The following PTPN2 variants were observed in gnomAD, a reference collection of about 807,000 sequenced individuals.
The protein encoded by PTPN2 is protein tyrosine phosphatase non-receptor type 2.
PTPN2 carries 19 observed loss-of-function variants against 57.3 expected under a neutral mutation model. That is an observed-to-expected ratio of 0.33 (90% confidence interval 0.23 to 0.49). The LOEUF (loss-of-function observed/expected upper bound fraction) is 0.49. Among genes scored for constraint, PTPN2 ranks in the 20% least tolerant of loss-of-function variants. The pLI is 0.99. For missense variants in PTPN2, 358 were observed against 501.1 expected, an observed-to-expected ratio of 0.71 and a Z score of 2.73; for synonymous variants, 153 against 164.9, an observed-to-expected ratio of 0.93 and a Z score of 0.55.
At chr18:12,860,245 T>C (rs2043750404) in intron 1 of PTPN2, among the ~76,000 whole-genome samples, 1 of 150,306 alleles carries the variant, frequency 6.7e-6, no homozygotes, top group Non-Finnish European at 1.5e-5. Flanking sequence ...GCCAAGATCG[T>C]GCCATTGCAC....
At chr18:12,811,421 G>C (rs982456728) in intron 7 of PTPN2, among the ~76,000 whole-genome samples, 2 of 152,016 alleles carry the variant, frequency 1.3e-5, no homozygotes, top group Non-Finnish European at 2.9e-5. Flanking sequence ...AGTCTCACTG[G>C]ACCACTTCCC....
chr18:12,811,683 G>A (rs1463415077), intron 7 of PTPN2, among the ~76,000 whole-genome samples: 2 of 152,094 alleles, frequency 1.3e-5, no homozygotes, highest in African/African-American at 4.8e-5. Context: ...AAACTCACTC[G>A]TCTCTGTCCT....
intron 1 of PTPN2, among the ~76,000 whole-genome samples, chr18:12,872,515 C>A (rs2044302816): frequency 6.6e-6 from 1 of 152,160 alleles, no homozygotes; most frequent in South Asian, 2.1e-4. Context: ...TGAAAAGTAT[C>A]CAACCTTGAG....
At chr18:12,824,324 A>G (rs2042372546) in intron 5 of PTPN2, among the ~76,000 whole-genome samples, 1 of 152,222 alleles carries the variant, frequency 6.6e-6, no homozygotes, top group Non-Finnish European at 1.5e-5. Context: ...AAGGAAAACC[A>G]GAACCTAGGC....
At chr18:12,848,364 C>G (rs545249354) in intron 2 of PTPN2, among the ~76,000 whole-genome samples, 2 of 152,280 alleles carry the variant, frequency 1.3e-5, no homozygotes, top group South Asian at 4.1e-4. Flanking sequence ...TAAAATATGT[C>G]CACAATTCAC....
At chr18:12,852,191 A>AACACACACACACACACACACACAC (rs139964591) in intron 2 of PTPN2, among the ~76,000 whole-genome samples, 99 of 140,510 alleles carry the variant, frequency 7.0e-4, no homozygotes, top group Non-Finnish European at 1.2e-3. Context: ...ATGGGTTTTT[A>AACACACACACACACACACACACAC]ACACACACAC....
At position 12,845,260 on chromosome 18, in the gene PTPN2, CT is replaced by C. The variant is rs1377624641; in HGVS notation, c.161-8370del. Among the ~76,000 whole-genome samples, 11 of 152,214 alleles carry C rather than the reference CT, an allele frequency of 7.2e-5. No homozygotes were observed. The East Asian group carries it at 2.1e-3, about 29-fold the overall frequency. On this transcript the variant is annotated intron_variant, in intron 2 of 8. Transcript: ENST00000309660. The stretch of plus-strand genomic sequence containing the variant: ...TTTGACACTATGAGTCACTATAGAT[CT>C]ATAGAACAATTTGGGGAGGACTGAT...
intron 6 of PTPN2, among the ~76,000 whole-genome samples, chr18:12,816,583 G>T (rs1271255454): frequency 1.3e-5 from 2 of 152,136 alleles, no homozygotes; most frequent in Non-Finnish European, 2.9e-5. Flanking sequence ...GAGAAGAAAA[G>T]ATCTAGGCTG....
At chr18:12,801,901 T>C (rs2041442469) in intron 8 of PTPN2, 69 bp downstream of exon 8, 1 of 1,340,552 alleles carries the variant, frequency 7.5e-7, no homozygotes, top group Non-Finnish European at 1.0e-6. Context: ...CTATGGCACC[T>C]GGTCCCATAA....
At position 12,833,644 on chromosome 18, in the gene PTPN2, T is replaced by C. The variant is rs148330290; in HGVS notation, c.262-2603A>G. Among the ~76,000 whole-genome samples, 29 of 151,978 alleles carry C rather than the reference T, an allele frequency of 1.9e-4. No homozygotes were observed. In the East Asian group the frequency reaches 5.4e-3, roughly 28 times the overall value. ...ATTTGGGAAAAGACAAATAGATCAG[T>C]GAGGTAGAAGTGGAGGGATGTAGTT... On this transcript the variant is annotated intron_variant, in intron 3 of 8. Coordinates refer to ENST00000309660, the MANE Select transcript of PTPN2 (RefSeq NM_002828.4).
chr18:12,827,274 C>T (rs1361736645), intron 4 of PTPN2, among the ~76,000 whole-genome samples: 10 of 149,386 alleles, frequency 6.7e-5, no homozygotes, highest in African/African-American at 2.0e-4. Context: ...ACCTGGGAGG[C>T]GGAGCTTGCA....
At chr18:12,803,559 C>G (rs1158604094) in intron 7 of PTPN2, among the ~76,000 whole-genome samples, 1 of 152,140 alleles carries the variant, frequency 6.6e-6, no homozygotes, top group Non-Finnish European at 1.5e-5. Flanking sequence ...AAATGATACT[C>G]CATGCAAATT....
At chr18:12,807,586 A>AATATATATATATATAT (rs1339941310) in intron 7 of PTPN2, among the ~76,000 whole-genome samples, 9 of 35,186 alleles carry the variant, frequency 2.6e-4, no homozygotes, top group Admixed American at 1.1e-3. Context: ...AAAAAAAAAA[A>AATATATATATATATAT]ATATATATAT....
At chr18:12,811,490 TA>T (rs931980622) in intron 7 of PTPN2, among the ~76,000 whole-genome samples, 1 of 151,828 alleles carries the variant, frequency 6.6e-6, no homozygotes, top group African/African-American at 2.4e-5. Context: ...GAGAGAGAAA[TA>T]AAAGAGATAT....
chr18:12,817,500 T>C, intron 5 of PTPN2, 135 bp from the exon 6 acceptor site: 2 of 698,462 alleles, frequency 2.9e-6, no homozygotes, highest in East Asian at 2.7e-5. Flanking sequence ...CCATTTGTTT[T>C]CTGACAATCC....
chr18:12,830,754 C>A, intron 4 of PTPN2, among the ~76,000 whole-genome samples, 189 bp downstream of exon 4: 1 of 152,060 alleles, frequency 6.6e-6, no homozygotes, highest in Non-Finnish European at 1.5e-5. Flanking sequence ...GAAAGGTCTG[C>A]AATTGTTATA....
intron 5 of PTPN2, among the ~76,000 whole-genome samples, chr18:12,818,446 T>C (rs999246363): frequency 8.5e-5 from 13 of 152,350 alleles, no homozygotes; most frequent in East Asian, 5.8e-4. Context: ...AAATGTTTCC[T>C]GTCTCTTAAG....
At chr18:12,805,171 T>C (rs2041593983) in intron 7 of PTPN2, among the ~76,000 whole-genome samples, 3 of 152,086 alleles carry the variant, frequency 2.0e-5, no homozygotes, top group Admixed American at 2.0e-4. Context: ...AAATTCAACA[T>C]AGCGGCTGGG....
At chr18:12,826,614 G>A (rs1016202308) in intron 4 of PTPN2, among the ~76,000 whole-genome samples, 2 of 152,086 alleles carry the variant, frequency 1.3e-5, no homozygotes, top group Non-Finnish European at 2.9e-5. Context: ...TGTCGCCCAG[G>A]CTGGAATGCA....
Sources: allele counts gnomAD v4.1 joint callset (sites outside exome capture counted in the v4.1 genomes callset), GRCh38; gene constraint gnomAD v4.1.1; transcripts MANE v1.5; gene names NCBI Gene and HGNC (gene_info 2026-07-23, HGNC 2026-07-21).